MAN2B1: variants seen among roughly 807,000 people sequenced by gnomAD.
MAN2B1 encodes lysosomal alpha-mannosidase.
Under a neutral mutation model 127.5 loss-of-function variants are expected in MAN2B1, and 99 were observed. The observed-to-expected ratio is 0.78, with a 90% CI of 0.66 to 0.92. The LOEUF is 0.92. Ranked by LOEUF, MAN2B1 falls within the 40% of genes least tolerant of loss-of-function variation. The pLI is 0.00. For missense variants in MAN2B1, 1,304 were observed against 1,384.8 expected (o/e 0.94, Z 0.93); for synonymous variants, 573 against 568.8 (o/e 1.01, Z -0.11).
intron 7 of MAN2B1, among the ~76,000 whole-genome samples, chr19:12,660,450 C>G (rs8107196): frequency 0.27 from 40,904 of 151,942 alleles, 6,633 homozygotes; most frequent in Non-Finnish European, 0.38. Context: ...TGCAGTGAGC[C>G]GAGAGCACGC....
chr19:12,663,032 G>A (rs529476413), intron 6 of MAN2B1, among the ~76,000 whole-genome samples: 12 of 151,940 alleles, frequency 7.9e-5, no homozygotes, highest in African/African-American at 1.2e-4. Flanking sequence ...TTGGGAGGCC[G>A]AGGCAAGCAG....
intron 13 of MAN2B1, 121 bp from the exon 14 acceptor site, chr19:12,656,000 T>C: frequency 1.3e-6 from 1 of 749,538 alleles, no homozygotes; most frequent in Non-Finnish European, 2.3e-6. Flanking sequence ...TGGAGGTGTG[T>C]GTGGTGGGGG....
At chr19:12,648,522 G>A (rs1016249959) in intron 20 of MAN2B1, 120 bp from the exon 21 acceptor site, 4 of 753,538 alleles carry the variant, frequency 5.3e-6, no homozygotes, top group African/African-American at 5.2e-5. Flanking sequence ...AGGAACGGAT[G>A]AGGATGAAGG....
chr19:12,666,293 C>T (rs530689102), intron 1 of MAN2B1, among the ~76,000 whole-genome samples: 1 of 152,276 alleles, frequency 6.6e-6, no homozygotes, highest in African/African-American at 2.4e-5. Flanking sequence ...CCCCTCCAAT[C>T]CCACAGTTAA....
intron 14 of MAN2B1, 136 bp from the exon 15 acceptor site, chr19:12,652,596 A>G (rs2023866307): frequency 2.9e-6 from 2 of 692,710 alleles, no homozygotes; most frequent in African/African-American, 1.8e-5. Context: ...CAGTGGTGCA[A>G]TCTTGGCTCA....
At chr19:12,663,595 C>G in intron 5 of MAN2B1, 108 bp downstream of exon 5, 1 of 1,541,572 alleles carries the variant, frequency 6.5e-7, no homozygotes, top group Non-Finnish European at 8.8e-7. Flanking sequence ...GGCCTTTGTT[C>G]CCAGACTATA....
rs746702002 is a variant in MAN2B1, at chr19:12,665,743, G to T, written c.222C>A (p.Asp74Glu). 32 of 1,614,026 alleles carry T rather than the reference G, an allele frequency of 2.0e-5. No homozygotes were observed. The highest frequency in any genetic ancestry group is 2.7e-5 in the Non-Finnish European group (32 of 1,180,036). Residue 74 changes from aspartate to glutamate, a missense_variant, in exon 2 of 24, where the codon GAC (aspartate) becomes GAA (glutamate). By Grantham distance (45) the Asp-to-Glu change is conservative. Transcript: ENST00000456935. ...NVHLLPHTHDDVGWLKTVDQY... is the reference protein window; with the variant it reads ...NVHLLPHTHDEVGWLKTVDQY... Reference sequence around the variant, plus strand: ...GGTCCACGGTTTTGAGCCAGCCCACGTCATCATGTGTGTGAGGCAGCAGGT... The same window carrying T: ...GGTCCACGGTTTTGAGCCAGCCCACTTCATCATGTGTGTGAGGCAGCAGGT...
At position 12,647,551 on chromosome 19, in the gene MAN2B1, C is replaced by T. The variant is rs773210333; in HGVS notation, c.2712G>A (p.Thr904=). The stretch of plus-strand genomic sequence containing the variant: ...CCATTTCGGGGCCCCAGCTGGCCAG[C>T]GTGAGCAGGTGCACCGAGGGCGGCA... ...RDLPPSVHLL[T]LASWGPEMVL... Residue 904 remains threonine, a synonymous_variant, in exon 22 of 24, where the codon ACG becomes ACA. Transcript: ENST00000456935. This position sits in a 1 kb window ranked among gnomAD's most constrained non-coding sequence, Gnocchi z 4.9. The T allele has an allele frequency of 1.2e-6, 2 of 1,614,112 alleles. No individual in the cohort carries two copies. The highest frequency in any genetic ancestry group is 1.7e-6 in the Non-Finnish European group (2 of 1,180,002).
chr19:12,666,514 G>T (rs2024246923), intron 1 of MAN2B1, 29 bp downstream of exon 1: 2 of 1,565,386 alleles, frequency 1.3e-6, no homozygotes, highest in Non-Finnish European at 1.7e-6. Context: ...TCTGCCTCCT[G>T]TACGTTTCAG....
Position 12,653,147 on chromosome 19 carries a change from T to G in MAN2B1, c.1831-687A>C, listed in dbSNP as rs544144389. Among the ~76,000 whole-genome samples, 111 of 143,498 alleles carry G rather than the reference T, an allele frequency of 7.7e-4. 2 individuals are homozygous for G. The highest frequency in any genetic ancestry group is 2.6e-3 in the South Asian group (12 of 4,650). 94.1% of individuals were successfully genotyped at this position (143,498 alleles called of 152,430 possible). The stretch of plus-strand genomic sequence containing the variant: ...CTGCACCTGGCCTGGGTTTTTTGTT[T>G]TTTTTTTTTTTTTGAGACTGAGTCT... On this transcript the variant is annotated intron_variant, in intron 14 of 23. Coordinates refer to ENST00000456935, the MANE Select transcript of MAN2B1 (RefSeq NM_000528.4).
Position 12,657,009 on chromosome 19 carries a change from G to A in MAN2B1, c.1467C>T (p.His489=), listed in dbSNP as rs2145254289. 1 of 1,613,570 alleles carries A rather than the reference G, an allele frequency of 6.2e-7. No homozygotes were observed. Among genetic ancestry groups the A allele is most frequent in the Non-Finnish European group, 8.5e-7 (1 of 1,179,988 alleles). The change falls in exon 12 of 24, where the codon CAC becomes CAT. Residue 489 remains histidine, a synonymous_variant. Transcript: ENST00000456935. ...TGTTTAGCTGTTGGCAAAAGGTGAA[G>A]TGATCTTTGAAGCCTCTGAGCCGCG... ...ALARLRGFKD[H]FTFCQQLNIS...
chr19:12,647,901 G>A lies in MAN2B1; in HGVS notation c.2664+274C>T, dbSNP rs2023733271. On this transcript the variant is annotated intron_variant, in intron 21 of 23. Transcript: ENST00000456935. The surrounding 1 kb of genome is among the most constrained non-coding windows in gnomAD (Gnocchi z 4.9). ...GGGTGAGGCAGGACAGAGCCTGGGG[G>A]CGGTGAGAGGGCGGGGCTAAAGTGA... Among the ~76,000 whole-genome samples, 1 of 150,870 alleles carries A rather than the reference G, an allele frequency of 6.6e-6. No individual in the cohort carries two copies. The highest frequency in any genetic ancestry group is 2.1e-4 in the South Asian group (1 of 4,782).
intron 7 of MAN2B1, 36 bp downstream of exon 7, chr19:12,661,224 A>G (rs762863164): frequency 6.9e-6 from 10 of 1,456,874 alleles, no homozygotes; most frequent in Non-Finnish European, 8.7e-6. Flanking sequence ...GCAAGCGCAC[A>G]TGTGCACAAG....
rs1290310276 is a variant in MAN2B1, at chr19:12,658,473, G to A, written c.1064C>T (p.Thr355Ile). 6.2e-7 allele frequency: 1 copy of A among 1,614,222 alleles called. No homozygotes were observed. Reference protein sequence around the residue: ...KGSSVHVLYSTPACYLWELNK... With the variant: ...KGSSVHVLYSIPACYLWELNK... ...CAGCTCCCAGAGGTAACAAGCGGGG[G>A]TGGAGTAGAGAACATGGACACTGCT... Residue 355 changes from threonine to isoleucine, a missense_variant, in exon 8 of 24, where the codon ACC becomes ATC. Thr to Ile is a moderately conservative substitution (Grantham distance 89). Coordinates refer to ENST00000456935, the MANE Select transcript of MAN2B1 (RefSeq NM_000528.4).
chr19:12,651,462 C>G (rs952949586), intron 16 of MAN2B1, among the ~76,000 whole-genome samples: 1 of 152,112 alleles, frequency 6.6e-6, no homozygotes, highest in Non-Finnish European at 1.5e-5. Flanking sequence ...TGGAACCACC[C>G]CACTTTCTCT....
rs1213661097 is a variant in MAN2B1 at position 12,647,074 on chromosome 19, A to G, written c.2923+159T>C. On this transcript the variant is annotated intron_variant, in intron 23 of 23. Coordinates refer to ENST00000456935, the MANE Select transcript of MAN2B1 (RefSeq NM_000528.4). This position sits in a 1 kb window ranked among gnomAD's most constrained non-coding sequence, Gnocchi z 4.9. ...GACCCATTCCTGGTTTGCCGCACCCATTTCAGATCCTTTAAGCCCCTAACC... is the reference window on the plus strand; with the variant it reads ...GACCCATTCCTGGTTTGCCGCACCCGTTTCAGATCCTTTAAGCCCCTAACC... 1 of 692,700 alleles carries G rather than the reference A, an allele frequency of 1.4e-6. No homozygotes were observed. Among genetic ancestry groups the G allele is most frequent in the South Asian group, 1.7e-5 (1 of 57,950 alleles). 42.9% of individuals were successfully genotyped at this position (692,700 alleles called of 1,614,324 possible).
chr19:12,650,359 T>TC, intron 16 of MAN2B1, 137 bp from the exon 17 acceptor site: 1 of 139,812 alleles, frequency 7.2e-6, no homozygotes, highest in East Asian at 9.1e-5. Context: ...ACATAATTCT[T>TC]TTTTTTTTTT....
intron 18 of MAN2B1, 143 bp downstream of exon 18, chr19:12,649,770 C>T: frequency 2.7e-6 from 2 of 754,254 alleles, no homozygotes; most frequent in Non-Finnish European, 4.6e-6. Flanking sequence ...GCGTGAGCCA[C>T]TGCACCCTGC....
chr19:12,650,316 G>A, intron 16 of MAN2B1, 94 bp from the exon 17 acceptor site: 2 of 798,576 alleles, frequency 2.5e-6, no homozygotes, highest in Non-Finnish European at 2.2e-6. Flanking sequence ...ACCCCATTAA[G>A]GCCTACATCA....
Sources: gnomAD v4.1 joint callset for allele counts (sites outside exome capture counted in the v4.1 genomes callset) on GRCh38, gnomAD v4.1.1 for gene constraint, Gnocchi (gnomAD v3.1) non-coding constraint, MANE v1.5 for transcripts, NCBI Gene and HGNC (gene_info 2026-07-23, HGNC 2026-07-21) for gene names.